The following GOSR1 variants were observed in gnomAD, a reference collection of about 807,000 sequenced individuals.
GOSR1 encodes golgi SNAP receptor complex member 1.
GOSR1 carries 21 observed loss-of-function variants against 35.5 expected under a neutral mutation model. The observed-to-expected ratio is 0.59, with a 90% CI of 0.42 to 0.85. The LOEUF (loss-of-function observed/expected upper bound fraction) is 0.85, where lower values mean the gene tolerates loss of function less well. GOSR1 is among the 40% of genes least tolerant of loss of function. The pLI is 0.00. For synonymous variants in GOSR1, 94 were observed against 106.6 expected, an observed-to-expected ratio of 0.88 and a Z score of 0.73; for missense variants, 285 against 309.6, an observed-to-expected ratio of 0.92 and a Z score of 0.60.
intron 1 of GOSR1, 104 bp downstream of exon 1, chr17:30,477,568 C>A (rs1914020504): frequency 7.0e-7 from 1 of 1,427,338 alleles, no homozygotes; most frequent in Non-Finnish European, 9.4e-7. Flanking sequence ...ACTCCCGGAG[C>A]GGCCGAGCTG....
chr17:30,486,019 TAAAA>T (rs753646179), intron 4 of GOSR1, among the ~76,000 whole-genome samples: 2 of 76,174 alleles, frequency 2.6e-5, no homozygotes, highest in African/African-American at 4.8e-5. Context: ...AGACTCCATC[TAAAA>T]AAAAAAAAAA....
At chr17:30,486,177 AACG>A (rs1914672133) in intron 4 of GOSR1, among the ~76,000 whole-genome samples, 1 of 152,152 alleles carries the variant, frequency 6.6e-6, no homozygotes, top group South Asian at 2.1e-4. Flanking sequence ...ACAAATGTAT[AACG>A]TTGTTTTTTA....
At chr17:30,493,072 C>T (rs1453558853) in intron 6 of GOSR1, among the ~76,000 whole-genome samples, 2 of 151,866 alleles carry the variant, frequency 1.3e-5, no homozygotes. Flanking sequence ...CAGCTCACTG[C>T]AGCCGCTTGC....
chr17:30,481,988 AT>A (rs1567895659), intron 2 of GOSR1, among the ~76,000 whole-genome samples: 1 of 151,974 alleles, frequency 6.6e-6, no homozygotes, highest in Non-Finnish European at 1.5e-5. Context: ...ATAAAAAAAA[AT>A]TTTTTAATTA....
intron 1 of GOSR1, 68 bp from the exon 2 acceptor site, chr17:30,481,075 A>G: frequency 3.0e-6 from 3 of 998,054 alleles, no homozygotes; most frequent in Non-Finnish European, 4.8e-6. Context: ...TGTTTTCTTT[A>G]GAATGGTGCT....
intron 7 of GOSR1, among the ~76,000 whole-genome samples, chr17:30,516,828 C>A (rs1967836407): frequency 6.6e-6 from 1 of 152,126 alleles, no homozygotes; most frequent in Non-Finnish European, 1.5e-5. Context: ...GATTCTTCAC[C>A]CTCAGCCTCC....
At chr17:30,505,135 A>G (rs1027988096) in intron 6 of GOSR1, among the ~76,000 whole-genome samples, 28 of 152,340 alleles carry the variant, frequency 1.8e-4, no homozygotes, top group South Asian at 2.1e-4. Flanking sequence ...TAGCCAATCT[A>G]AATTGGAATT....
intron 7 of GOSR1, among the ~76,000 whole-genome samples, chr17:30,519,331 A>G (rs1271164533): frequency 6.6e-6 from 1 of 152,172 alleles, no homozygotes; most frequent in African/African-American, 2.4e-5. Flanking sequence ...TGCTGGGATT[A>G]CAGACGTGAG....
chr17:30,480,309 CAAAAAAAAAAA>C (rs1370159007), intron 1 of GOSR1: 1 of 103,214 alleles, frequency 9.7e-6, no homozygotes, highest in Non-Finnish European at 2.0e-5. Context: ...GACTCCATCT[CAAAAAAAAAAA>C]GAAAAAAAAA....
chr17:30,517,980 C>A (rs761323555), intron 7 of GOSR1, among the ~76,000 whole-genome samples: 3 of 152,182 alleles, frequency 2.0e-5, no homozygotes, highest in Non-Finnish European at 2.9e-5. Flanking sequence ...GGCAGTGATG[C>A]ATCCATCACT....
intron 1 of GOSR1, chr17:30,478,006 CAGGACTGGGTGTTTGA>C: frequency 1.2e-6 from 1 of 802,454 alleles, no homozygotes; most frequent in Non-Finnish European, 1.5e-6. Flanking sequence ...TGGGGACTTC[CAGGACTGGGTGTTTGA>C]AGGAGGAGAA....
In GOSR1 at chr17:30,484,341, G is replaced by A. The variant is rs181749032; in HGVS notation, c.234+40G>A. On this transcript the variant is annotated intron_variant, in intron 3 of 8. Coordinates refer to ENST00000451249, the MANE Select transcript of GOSR1 (RefSeq NM_001007025.2). Reference sequence around the variant, plus strand: ...TTAAATGGCTATTTTGCAAATAACTGTATACTTGTTACGTAGGATCCTGGA... The same window carrying A: ...TTAAATGGCTATTTTGCAAATAACTATATACTTGTTACGTAGGATCCTGGA... The A allele has an allele frequency of 4.3e-3, 4,527 of 1,058,852 alleles. 21 individuals are homozygous for A. Among genetic ancestry groups the A allele is most frequent in the South Asian group, 0.013 (1,037 of 79,850 alleles). The allele number at this position is 1,058,852 out of a possible 1,614,324, so 65.6% of individuals were successfully genotyped here.
chr17:30,504,363 C>G (rs892555594), intron 6 of GOSR1, among the ~76,000 whole-genome samples: 2 of 152,154 alleles, frequency 1.3e-5, no homozygotes, highest in African/African-American at 2.4e-5. Flanking sequence ...AGCAAACACT[C>G]TTTTCTTTGA....
chr17:30,525,926 G>C lies in GOSR1; in HGVS notation c.*3548G>C, dbSNP rs1968175379. The C allele has an allele frequency of 6.6e-6, 1 of 152,348 alleles. No homozygotes were observed. Among genetic ancestry groups the C allele is most frequent in the Non-Finnish European group, 1.5e-5 (1 of 68,038 alleles). The allele number at this position is 152,348 out of a possible 1,614,324, so 9.4% of individuals were successfully genotyped here. On this transcript the variant is annotated 3_prime_UTR_variant, in exon 9 of 9. Transcript: ENST00000451249. ...CTGCAGCCTATACTAAGGTGACCCA[G>C]GGCCACATGTAGACAGCTAGGCCAG...
At chr17:30,504,677 A>G (rs1046540917) in intron 6 of GOSR1, among the ~76,000 whole-genome samples, 4 of 152,216 alleles carry the variant, frequency 2.6e-5, no homozygotes, top group African/African-American at 9.6e-5. Flanking sequence ...AATGAGTACT[A>G]AAATTGGGTC....
chr17:30,493,022 C>T (rs1213919996), intron 6 of GOSR1, among the ~76,000 whole-genome samples: 1 of 149,524 alleles, frequency 6.7e-6, no homozygotes, highest in Non-Finnish European at 1.5e-5. Context: ...GAGATGGAGT[C>T]TCGCTCCGTC....
intron 2 of GOSR1, 149 bp from the exon 3 acceptor site, chr17:30,484,065 G>A (rs1431649905): frequency 5.8e-6 from 3 of 518,384 alleles, no homozygotes; most frequent in Admixed American, 6.6e-5. Context: ...TTCCTTTGGG[G>A]TAAAAATGTA....
chr17:30,507,757 G>T (rs1415925450), intron 6 of GOSR1, among the ~76,000 whole-genome samples: 1 of 150,902 alleles, frequency 6.6e-6, no homozygotes, highest in Non-Finnish European at 1.5e-5. Context: ...AGAAAGCGGA[G>T]CCTGAAGATG....
rs993672381 is a variant in GOSR1, at chr17:30,526,668, T to A, written c.*4290T>A. The A allele has an allele frequency of 6.6e-6, 1 of 152,646 alleles. No individual in the cohort carries two copies. Among genetic ancestry groups the A allele is most frequent in the African/African-American group, 2.4e-5 (1 of 41,444 alleles). 9.5% of individuals were successfully genotyped at this position (152,646 alleles called of 1,614,324 possible). A position where few individuals can be genotyped will look rare whatever the true frequency, so the allele number is the denominator to read the frequency against. Reference sequence around the variant, plus strand: ...AAACCTATTGTTTTCCAAATGCACTTTGTAAGTTTTTGCTTTTAAAATAGC... The same window carrying A: ...AAACCTATTGTTTTCCAAATGCACTATGTAAGTTTTTGCTTTTAAAATAGC... On this transcript the variant is annotated 3_prime_UTR_variant, in exon 9 of 9. Coordinates refer to ENST00000451249, the MANE Select transcript of GOSR1 (RefSeq NM_001007025.2).
Sources: gnomAD v4.1 joint callset for allele counts (sites outside exome capture counted in the v4.1 genomes callset) on GRCh38, gnomAD v4.1.1 for gene constraint, MANE v1.5 for transcripts, NCBI Gene and HGNC (gene_info 2026-07-23, HGNC 2026-07-21) for gene names.